Variants in ZNF248 observed in about 807,000 individuals in gnomAD.
ZNF248 encodes zinc finger protein 248.
In ZNF248, 20 loss-of-function variants were observed where a neutral mutation model predicts 44.3. That is an observed-to-expected ratio of 0.45 (90% CI 0.32 to 0.66). The LOEUF (loss-of-function observed/expected upper bound fraction) is 0.66. Among genes scored for constraint, ZNF248 ranks in the 30% least tolerant of loss-of-function variants. The pLI is 0.04. For synonymous variants in ZNF248, 224 were observed against 229.0 expected, an observed-to-expected ratio of 0.98 and a Z score of 0.20; for missense variants, 654 against 677.0, an observed-to-expected ratio of 0.97 and a Z score of 0.38.
chr10:37,782,995 C>A (rs1192459182), intron 6 of ZNF248, among the ~76,000 whole-genome samples: 1 of 152,118 alleles, frequency 6.6e-6, no homozygotes, highest in Non-Finnish European at 1.5e-5. Flanking sequence ...GGCACCAAAC[C>A]TGGAAGGCCC....
At chr10:37,776,808 GGAA>G (rs2046622285) in intron 6 of ZNF248, among the ~76,000 whole-genome samples, 2 of 152,042 alleles carry the variant, frequency 1.3e-5, no homozygotes, top group Non-Finnish European at 2.9e-5. Flanking sequence ...TATGATTTCA[GGAA>G]TACAAGATGG....
Position 37,831,701 on chromosome 10 carries a change from C to T in ZNF248, c.1654G>A (p.Ala552Thr), listed in dbSNP as rs774972023. Residue 552 changes from alanine to threonine, a missense_variant, in exon 6 of 6, where the codon GCA becomes ACA. Transcript: ENST00000395867. ...CTCTGACTAAAGGTCTTCCCACATG[C>T]ATTACACTCATACGGCTTCTCCCCT... Reference protein sequence around the residue: ...HTGEKPYECNACGKTFSQRSV... With the variant: ...HTGEKPYECNTCGKTFSQRSV... 1 of 1,613,940 alleles carries T rather than the reference C, an allele frequency of 6.2e-7. No individual in the cohort carries two copies. Among genetic ancestry groups the T allele is most frequent in the East Asian group, 2.2e-5 (1 of 44,870 alleles).
intron 6 of ZNF248, among the ~76,000 whole-genome samples, chr10:37,788,437 A>G (rs994985311): frequency 2.6e-4 from 39 of 152,180 alleles, no homozygotes; most frequent in African/African-American, 8.9e-4. Flanking sequence ...CCTGGTCAAC[A>G]TGGTGAAACC....
chr10:37,827,827 A>G (rs2054632117), downstream of ZNF248, among the ~76,000 whole-genome samples: 1 of 152,184 alleles, frequency 6.6e-6, no homozygotes, highest in Non-Finnish European at 1.5e-5. Flanking sequence ...ATAGTTCCAC[A>G]TTTCCCTGCT....
At chr10:37,828,523 C>T (rs2054779314), downstream of ZNF248, among the ~76,000 whole-genome samples, 1 of 152,138 alleles carries the variant, frequency 6.6e-6, no homozygotes, top group Non-Finnish European at 1.5e-5. Flanking sequence ...TGTCACTGGC[C>T]TATTTTACAA....
downstream of ZNF248, among the ~76,000 whole-genome samples, chr10:37,824,205 A>T (rs2053978395): frequency 6.6e-6 from 1 of 152,150 alleles, no homozygotes; most frequent in Non-Finnish European, 1.5e-5. Context: ...GAAAAAGCTG[A>T]TATCCAGTTT....
At chr10:37,776,292 A>G (rs1271093320), downstream of ZNF248, 5 of 317,750 alleles carry the variant, frequency 1.6e-5, no homozygotes, top group African/African-American at 4.3e-5. Flanking sequence ...GTCCAGTCAC[A>G]TATCTTTTCT....
rs2055400046 is a variant in ZNF248, at chr10:37,830,746, G to C, written c.*869C>G. Reference sequence around the variant, plus strand: ...AAGACAGCACTGAATGTGGAGCTGGGAAGAGACAGATGTGCAGTGCACACT... The same window carrying C: ...AAGACAGCACTGAATGTGGAGCTGGCAAGAGACAGATGTGCAGTGCACACT... On this transcript the variant is annotated 3_prime_UTR_variant, in exon 6 of 6. Transcript: ENST00000395867. The C allele has an allele frequency of 3.2e-6, 1 of 308,878 alleles. No homozygotes were observed. The highest frequency in any genetic ancestry group is 2.3e-5 in the African/African-American group (1 of 44,336). 19.1% of individuals were successfully genotyped at this position (308,878 alleles called of 1,614,324 possible). A position where few individuals can be genotyped will look rare whatever the true frequency, so the allele number is the denominator to read the frequency against.
At chr10:37,825,910 G>C (rs542117769), downstream of ZNF248, among the ~76,000 whole-genome samples, 11 of 141,196 alleles carry the variant, frequency 7.8e-5, no homozygotes, top group East Asian at 1.3e-3. Context: ...AAAAAAAAAA[G>C]GGGGGGAGAG....
chr10:37,782,389 T>C (rs1453759845), intron 6 of ZNF248, among the ~76,000 whole-genome samples: 5 of 152,102 alleles, frequency 3.3e-5, no homozygotes, highest in Non-Finnish European at 7.4e-5. Flanking sequence ...TGTAATGGGT[T>C]AAGATTTGGG....
chr10:37,830,231 T>G lies in ZNF248; in HGVS notation c.*1384A>C. ...TAATTTATGTAAAAACCATTCTTAT[T>G]AACAACATTTACATTACAGAATGAC... On this transcript the variant is annotated 3_prime_UTR_variant, in exon 6 of 6. Coordinates refer to ENST00000395867, the MANE Select transcript of ZNF248 (RefSeq NM_021045.3). 1 of 985,370 alleles carries G rather than the reference T, an allele frequency of 1.0e-6. No individual in the cohort carries two copies. The allele number at this position is 985,370 out of a possible 1,614,324, so 61.0% of individuals were successfully genotyped here.
intron 6 of ZNF248, among the ~76,000 whole-genome samples, chr10:37,816,154 G>A (rs76759301): frequency 1.3e-5 from 2 of 152,016 alleles, no homozygotes; most frequent in Non-Finnish European, 2.9e-5. Context: ...GCCAAGGAAG[G>A]GGGGATGAAG....
chr10:37,779,716 A>G (rs938559489), intron 6 of ZNF248, among the ~76,000 whole-genome samples: 3 of 151,230 alleles, frequency 2.0e-5, no homozygotes, highest in Non-Finnish European at 4.4e-5. Flanking sequence ...GAAAAGAGGA[A>G]GTCAAATTGT....
At chr10:37,786,454 A>G (rs2047880276) in intron 6 of ZNF248, among the ~76,000 whole-genome samples, 2 of 152,196 alleles carry the variant, frequency 1.3e-5, no homozygotes, top group Non-Finnish European at 2.9e-5. Context: ...CCAATAGCCT[A>G]CTATTTAGTT....
At chr10:37,806,802 T>G (rs2050629578) in intron 6 of ZNF248, among the ~76,000 whole-genome samples, 1 of 152,120 alleles carries the variant, frequency 6.6e-6, no homozygotes, top group Admixed American at 6.5e-5. Context: ...TGGTGTCATA[T>G]CCAAGAAATC....
chr10:37,840,917 T>C (rs2134220778), intron 3 of ZNF248, among the ~76,000 whole-genome samples: 1 of 152,240 alleles, frequency 6.6e-6, no homozygotes, highest in South Asian at 2.1e-4. Context: ...AACACAATAG[T>C]GGGCTATGTC....
At chr10:37,812,621 T>C (rs1319774704) in intron 6 of ZNF248, among the ~76,000 whole-genome samples, 2 of 152,178 alleles carry the variant, frequency 1.3e-5, no homozygotes, top group African/African-American at 4.8e-5. Flanking sequence ...GGCTGCCTTT[T>C]GAAGCTCCTT....
rs771117257 is a variant in ZNF248, at chr10:37,831,869, C to T, written c.1486G>A (p.Glu496Lys). Reference sequence around the variant, plus strand: ...TTCACACAGAAGGATTTTCCACATTCATTACATATAAACGGTTTCTCCCCT... The same window carrying T: ...TTCACACAGAAGGATTTTCCACATTTATTACATATAAACGGTTTCTCCCCT... ...HTGEKPFICNECGKSFCVKSN... is the reference protein window; with the variant it reads ...HTGEKPFICNKCGKSFCVKSN... Residue 496 changes from glutamate (E) to lysine (K), a missense_variant, in exon 6 of 6, where the codon GAA becomes AAA. Glu to Lys is a moderately conservative substitution (Grantham distance 56, BLOSUM62 1). Transcript: ENST00000395867. The T allele has an allele frequency of 1.9e-6, 3 of 1,613,970 alleles. No individual in the cohort carries two copies. The highest frequency in any genetic ancestry group is 2.5e-6 in the Non-Finnish European group (3 of 1,179,948).
At chr10:37,773,886 T>C (rs528393836), downstream of ZNF248, among the ~76,000 whole-genome samples, 41 of 152,276 alleles carry the variant, frequency 2.7e-4, no homozygotes, top group Admixed American at 1.5e-3. Flanking sequence ...GCCTCAAGAC[T>C]GCAGCATTAA....
Sources: allele counts gnomAD v4.1 joint callset (sites outside exome capture counted in the v4.1 genomes callset), GRCh38; gene constraint gnomAD v4.1.1; transcripts MANE v1.5; gene names NCBI Gene and HGNC (gene_info 2026-07-23, HGNC 2026-07-21).